Variants in TRIM44 observed in about 807,000 individuals in gnomAD.
TRIM44 encodes the protein tripartite motif-containing protein 44.
A neutral mutation model predicts 37.4 loss-of-function variants in TRIM44; 13 were observed. The observed-to-expected ratio is 0.35, with a 90% CI of 0.23 to 0.55. TRIM44 has a LOEUF of 0.55. Ranked by LOEUF, TRIM44 falls within the 20% of genes least tolerant of loss-of-function variation. The pLI is 0.89. For missense variants in TRIM44, 426 were observed against 437.2 expected, an observed-to-expected ratio of 0.97 and a Z score of 0.23; for synonymous variants, 175 against 157.2, an observed-to-expected ratio of 1.11 and a Z score of -0.85.
At chr11:35,768,958 AT>A (rs1361526270) in intron 4 of TRIM44, among the ~76,000 whole-genome samples, 1 of 152,260 alleles carries the variant, frequency 6.6e-6, no homozygotes, top group Non-Finnish European at 1.5e-5. Flanking sequence ...CCTGACAAAC[AT>A]TTAAAAATTA....
chr11:35,792,111 A>ACACACACACACACACTCTCT (rs796092540), intron 4 of TRIM44, among the ~76,000 whole-genome samples: 2,739 of 113,814 alleles, frequency 0.024, 56 homozygotes, highest in Non-Finnish European at 0.033. Context: ...ACACACACAC[A>ACACACACACACACACTCTCT]CTCTCTCTCA....
chr11:35,674,379 T>A (rs1213227459), intron 1 of TRIM44, among the ~76,000 whole-genome samples: 1 of 152,078 alleles, frequency 6.6e-6, no homozygotes, highest in African/African-American at 2.4e-5. Context: ...TGATCAAGAA[T>A]GAAAAAACCA....
At chr11:35,684,507 T>A (rs957929851) in intron 1 of TRIM44, among the ~76,000 whole-genome samples, 6 of 152,236 alleles carry the variant, frequency 3.9e-5, no homozygotes, top group African/African-American at 1.4e-4. Flanking sequence ...ACTGTGCTAA[T>A]ATCTTTTAAA....
chr11:35,667,421 A>G lies in TRIM44; in HGVS notation c.669+3641A>G, dbSNP rs147859501. Reference sequence around the variant, plus strand: ...ATCTTACTCTGTTGATCAGGCTGGAATGCAGTGGTGGGAGCATAGCTCACT... The same window carrying G: ...ATCTTACTCTGTTGATCAGGCTGGAGTGCAGTGGTGGGAGCATAGCTCACT... On this transcript the variant is annotated intron_variant, in intron 1 of 4. Transcript: ENST00000299413. 1.9e-3 allele frequency among the ~76,000 whole-genome samples: 282 copies of G among 152,342 alleles called. 2 individuals are homozygous for G. The highest frequency in any genetic ancestry group is 6.5e-3 in the African/African-American group (271 of 41,592).
chr11:35,806,164 C>G (rs112359464), intron 4 of TRIM44, among the ~76,000 whole-genome samples, 194 bp from the exon 5 acceptor site: 1 of 152,114 alleles, frequency 6.6e-6, no homozygotes, highest in African/African-American at 2.4e-5. Context: ...TATCATCATT[C>G]CCCCTATGGC....
chr11:35,780,789 A>G (rs183525731), intron 4 of TRIM44, among the ~76,000 whole-genome samples: 39 of 146,304 alleles, frequency 2.7e-4, no homozygotes, highest in African/African-American at 9.8e-4. Context: ...TGAAAAGGAA[A>G]CTTAAGGCAA....
At chr11:35,805,088 A>G (rs938286882) in intron 4 of TRIM44, among the ~76,000 whole-genome samples, 9 of 152,102 alleles carry the variant, frequency 5.9e-5, no homozygotes, top group African/African-American at 1.9e-4. Flanking sequence ...ACTTTATCCA[A>G]CTGAAACTAA....
At chr11:35,784,144 A>G (rs761687994) in intron 4 of TRIM44, among the ~76,000 whole-genome samples, 9 of 152,204 alleles carry the variant, frequency 5.9e-5, no homozygotes, top group Non-Finnish European at 1.0e-4. Context: ...CTCTGAAACT[A>G]TGGATAAGGG....
At chr11:35,716,076 G>C (rs1263810756) in intron 2 of TRIM44, among the ~76,000 whole-genome samples, 1 of 152,138 alleles carries the variant, frequency 6.6e-6, no homozygotes, top group Non-Finnish European at 1.5e-5. Context: ...TTGTTTCTGG[G>C]AGTCAAAGCT....
chr11:35,763,393 G>A (rs1852753307), intron 4 of TRIM44, among the ~76,000 whole-genome samples: 1 of 152,188 alleles, frequency 6.6e-6, no homozygotes, highest in Admixed American at 6.5e-5. Context: ...ACAGGGAAAT[G>A]GAGAGGACTT....
chr11:35,778,113 C>G lies in TRIM44; in HGVS notation c.1008-28245C>G, dbSNP rs898412320. Among the ~76,000 whole-genome samples the G allele has an allele frequency of 3.9e-5, 6 of 152,170 alleles. No individual in the cohort carries two copies. The South Asian group carries it at 1.2e-3, about 32-fold the overall frequency. Reference sequence around the variant, plus strand: ...TACACCAATCAGATGTAGATTTGGTCTTTTCACATAGTCCCATATTTCTTG... The same window carrying G: ...TACACCAATCAGATGTAGATTTGGTGTTTTCACATAGTCCCATATTTCTTG... On this transcript the variant is annotated intron_variant, in intron 4 of 4. Transcript: ENST00000299413.
At position 35,815,939 on chromosome 11, in the gene TRIM44, A is replaced by G. The variant is rs1853576289; in HGVS notation, c.*9554A>G. ...ATTTTACAATGACTTACTTCTAATA[A>G]TCACTGAAACAGCCTCATGAGGACA... On this transcript the variant is annotated 3_prime_UTR_variant, in exon 5 of 5. Coordinates refer to ENST00000299413, the MANE Select transcript of TRIM44 (RefSeq NM_017583.6). 1 of 152,178 alleles carries G rather than the reference A, an allele frequency of 6.6e-6. No individual in the cohort carries two copies. The highest frequency in any genetic ancestry group is 1.5e-5 in the Non-Finnish European group (1 of 68,016). 9.4% of individuals were successfully genotyped at this position (152,178 alleles called of 1,614,324 possible). A position where few individuals can be genotyped will look rare whatever the true frequency, so the allele number is the denominator to read the frequency against.
At chr11:35,736,494 A>G (rs1369700469) in intron 4 of TRIM44, among the ~76,000 whole-genome samples, 1 of 152,108 alleles carries the variant, frequency 6.6e-6, no homozygotes, top group African/African-American at 2.4e-5. Context: ...CTTCTTTGTT[A>G]TTTTGTTTGT....
chr11:35,706,771 TAA>T (rs1851889726), intron 2 of TRIM44, among the ~76,000 whole-genome samples: 2 of 151,948 alleles, frequency 1.3e-5, no homozygotes, highest in South Asian at 2.1e-4. Flanking sequence ...CTCAAAATAA[TAA>T]GAGCTATCTT....
chr11:35,738,381 A>G (rs1852352418), intron 4 of TRIM44, among the ~76,000 whole-genome samples: 1 of 152,234 alleles, frequency 6.6e-6, no homozygotes, highest in Non-Finnish European at 1.5e-5. Context: ...CCAAGATGTC[A>G]GGCCATCTCC....
At chr11:35,692,720 C>G (rs775006959) in intron 2 of TRIM44, among the ~76,000 whole-genome samples, 2 of 152,032 alleles carry the variant, frequency 1.3e-5, no homozygotes, top group Non-Finnish European at 2.9e-5. Context: ...GTCAGGAGAT[C>G]GGGACCATCC....
At chr11:35,752,832 C>T (rs1389804561) in intron 4 of TRIM44, among the ~76,000 whole-genome samples, 1 of 152,200 alleles carries the variant, frequency 6.6e-6, no homozygotes, top group Non-Finnish European at 1.5e-5. Context: ...TGCTGAAATA[C>T]TACTACTTTA....
intron 4 of TRIM44, among the ~76,000 whole-genome samples, chr11:35,747,742 T>C (rs1441615640): frequency 6.6e-6 from 1 of 152,152 alleles, no homozygotes; most frequent in African/African-American, 2.4e-5. Context: ...ACTCACTGGC[T>C]GTGGAGCCAT....
At chr11:35,737,046 G>T (rs895014253) in intron 4 of TRIM44, among the ~76,000 whole-genome samples, 3 of 152,148 alleles carry the variant, frequency 2.0e-5, no homozygotes, top group African/African-American at 7.2e-5. Flanking sequence ...GATAAGTTTA[G>T]GCTACTTTAG....
Sources: allele counts gnomAD v4.1 joint callset (sites outside exome capture counted in the v4.1 genomes callset), GRCh38; gene constraint gnomAD v4.1.1; transcripts MANE v1.5; gene names NCBI Gene and HGNC (gene_info 2026-07-23, HGNC 2026-07-21).